CTNNA2: variants seen among roughly 807,000 people sequenced by gnomAD.
CTNNA2 encodes the protein catenin alpha-2.
CTNNA2 carries 42 observed loss-of-function variants against 101.0 expected under a neutral mutation model. The observed-to-expected ratio is 0.42, with a 90% CI of 0.32 to 0.54. CTNNA2 has a LOEUF of 0.54. CTNNA2 is among the 20% of genes least tolerant of loss of function. The pLI, the probability that CTNNA2 is intolerant of heterozygous loss-of-function variation, is 0.14. For missense variants in CTNNA2, 871 were observed against 1,223.1 expected (o/e 0.71, Z 4.29); for synonymous variants, 450 against 456.4 (o/e 0.99, Z 0.18).
In CTNNA2 at chr2:79,214,056, AGTT is replaced by A. The variant is rs1390271616; in HGVS notation, c.-406+15987_-406+15989del. On this transcript the variant is annotated intron_variant, in intron 2 of 21. Transcript: ENST00000466387. ...ACTAACTATGCCTAGGAAGGAAAGG[AGTT>A]GTTGTTTTGTAGAAGGGATTGAGGT... 2.6e-5 allele frequency among the ~76,000 whole-genome samples: 4 copies of A among 152,196 alleles called. 1 individual carries two copies. The highest frequency in any genetic ancestry group is 1.9e-4 in the East Asian group (1 of 5,158).
chr2:80,641,501 G>T (rs1673480463), intron 18 of CTNNA2, among the ~76,000 whole-genome samples: 1 of 152,056 alleles, frequency 6.6e-6, no homozygotes, highest in Non-Finnish European at 1.5e-5. Flanking sequence ...GCCTCCACAA[G>T]TTAACATTCT....
intron 2 of CTNNA2, among the ~76,000 whole-genome samples, chr2:79,298,242 G>A (rs549815140): frequency 6.6e-6 from 1 of 152,260 alleles, no homozygotes; most frequent in South Asian, 2.1e-4. Context: ...GAGAGTGGGA[G>A]CAAGAGAGAT....
intron 2 of CTNNA2, among the ~76,000 whole-genome samples, chr2:79,693,610 TG>T (rs1684465296): frequency 1.3e-5 from 2 of 151,734 alleles, no homozygotes; most frequent in Admixed American, 1.3e-4. Flanking sequence ...AAACTTAGGG[TG>T]GGTAGGAATC....
At chr2:80,060,241 G>A (rs1184771819) in intron 7 of CTNNA2, among the ~76,000 whole-genome samples, 1 of 152,160 alleles carries the variant, frequency 6.6e-6, no homozygotes, top group Non-Finnish European at 1.5e-5. Context: ...AAGACATCTG[G>A]ATGAGAGCTG....
At chr2:79,699,817 AC>A (rs1183887236) in intron 2 of CTNNA2, among the ~76,000 whole-genome samples, 4 of 146,122 alleles carry the variant, frequency 2.7e-5, no homozygotes, top group Admixed American at 2.1e-4. Context: ...ACACACACAC[AC>A]ACACACACAC....
At chr2:80,323,217 G>A (rs1678889952) in intron 7 of CTNNA2, among the ~76,000 whole-genome samples, 1 of 152,122 alleles carries the variant, frequency 6.6e-6, no homozygotes, top group African/African-American at 2.4e-5. Context: ...AGAGCTTTTG[G>A]TTTTGACTTG....
intron 7 of CTNNA2, among the ~76,000 whole-genome samples, chr2:80,069,622 A>C (rs1572989907): frequency 6.6e-6 from 1 of 152,310 alleles, no homozygotes; most frequent in African/African-American, 2.4e-5. Flanking sequence ...ACAATGCTTA[A>C]ATATTTATAT....
At chr2:80,453,975 T>C (rs1352107545) in intron 9 of CTNNA2, among the ~76,000 whole-genome samples, 1 of 151,942 alleles carries the variant, frequency 6.6e-6, no homozygotes, top group Admixed American at 6.6e-5. Context: ...AGAAATTAGC[T>C]GCACAATTGT....
intron 1 of CTNNA2, among the ~76,000 whole-genome samples, chr2:79,520,996 C>T (rs142060186): frequency 1.9e-4 from 29 of 151,340 alleles, no homozygotes; most frequent in African/African-American, 6.8e-4. Context: ...AGGACTTTTG[C>T]ATGAAAATTA....
At chr2:80,616,008 T>A (rs1698821759) in intron 17 of CTNNA2, among the ~76,000 whole-genome samples, 1 of 151,650 alleles carries the variant, frequency 6.6e-6, no homozygotes, top group Admixed American at 6.6e-5. Flanking sequence ...CTTTTAATCT[T>A]TTCTTTTATC....
intron 7 of CTNNA2, among the ~76,000 whole-genome samples, chr2:80,181,996 G>A (rs902133969): frequency 2.6e-5 from 4 of 152,140 alleles, no homozygotes; most frequent in Non-Finnish European, 5.9e-5. Flanking sequence ...ATCTGTGTTA[G>A]TCTGGGTTCT....
intron 7 of CTNNA2, among the ~76,000 whole-genome samples, chr2:80,225,573 T>G (rs1401823675): frequency 6.6e-6 from 1 of 152,222 alleles, no homozygotes; most frequent in Non-Finnish European, 1.5e-5. Flanking sequence ...TAATTTTTTT[T>G]GAAAACATTC....
chr2:80,004,630 G>A (rs564947934), intron 7 of CTNNA2, among the ~76,000 whole-genome samples: 1 of 152,114 alleles, frequency 6.6e-6, no homozygotes, highest in East Asian at 1.9e-4. Flanking sequence ...GAATAACGCA[G>A]CTACTAAGGA....
chr2:79,854,373 G>A lies in CTNNA2; in HGVS notation c.299-3640G>A, dbSNP rs375731174. 2.6e-5 allele frequency among the ~76,000 whole-genome samples: 4 copies of A among 152,278 alleles called. No homozygotes were observed. The South Asian group carries it at 6.2e-4, about 24-fold the overall frequency. Reference sequence around the variant, plus strand: ...CCATGTTGGGTGCTTTGAATGCATCGTCTCTAATTTTAACTCTCATGGCAG... The same window carrying A: ...CCATGTTGGGTGCTTTGAATGCATCATCTCTAATTTTAACTCTCATGGCAG... On this transcript the variant is annotated intron_variant, in intron 3 of 18. Coordinates refer to ENST00000402739, the MANE Select transcript of CTNNA2 (RefSeq NM_001282597.3).
At chr2:80,592,152 A>C (rs541264694) in intron 15 of CTNNA2, among the ~76,000 whole-genome samples, 1 of 152,332 alleles carries the variant, frequency 6.6e-6, no homozygotes, top group Admixed American at 6.5e-5. Flanking sequence ...TAAGAAAAAA[A>C]AACTTTCAGA....
chr2:79,849,904 C>T (rs1477353570), intron 3 of CTNNA2, among the ~76,000 whole-genome samples: 1 of 152,210 alleles, frequency 6.6e-6, no homozygotes, highest in Non-Finnish European at 1.5e-5. Context: ...GCGTTCCTTT[C>T]CTCCTCTCGA....
At chr2:79,726,064 A>C (rs1451345640) in intron 2 of CTNNA2, among the ~76,000 whole-genome samples, 2 of 152,188 alleles carry the variant, frequency 1.3e-5, no homozygotes, top group East Asian at 3.9e-4. Context: ...GCAATTCACC[A>C]GGCATAGCCT....
At chr2:79,556,815 A>T (rs1674476577) in intron 1 of CTNNA2, among the ~76,000 whole-genome samples, 1 of 151,982 alleles carries the variant, frequency 6.6e-6, no homozygotes, top group Non-Finnish European at 1.5e-5. Context: ...AGTGTTTGGA[A>T]ATGTTCATTT....
At chr2:79,431,575 G>A (rs6755695) in intron 4 of CTNNA2, among the ~76,000 whole-genome samples, 105,656 of 152,110 alleles carry the variant, frequency 0.69, 37,754 homozygotes, top group African/African-American at 0.87. Flanking sequence ...AATAAGTTAG[G>A]TAGTCACTTC....
Sources: allele counts gnomAD v4.1 joint callset (sites outside exome capture counted in the v4.1 genomes callset), GRCh38; gene constraint gnomAD v4.1.1; transcripts MANE v1.5; gene names NCBI Gene and HGNC (gene_info 2026-07-23, HGNC 2026-07-21).